Variants in TBC1D14 observed in about 807,000 individuals in gnomAD.
TBC1D14 encodes the protein TBC1 domain family member 14.
In TBC1D14, 26 loss-of-function variants were observed where a neutral mutation model predicts 79.0. The observed-to-expected ratio is 0.33, with a 90% CI of 0.24 to 0.46. TBC1D14 has a LOEUF of 0.46. Ranked by LOEUF, TBC1D14 falls within the 20% of genes least tolerant of loss-of-function variation. The pLI is 1.00. For missense variants in TBC1D14, 769 were observed against 887.6 expected, an observed-to-expected ratio of 0.87 and a Z score of 1.70; for synonymous variants, 394 against 349.9, an observed-to-expected ratio of 1.13 and a Z score of -1.40.
chr4:7,017,318 A>T (rs1183222899), intron 12 of TBC1D14, among the ~76,000 whole-genome samples: 2 of 152,070 alleles, frequency 1.3e-5, no homozygotes, highest in Non-Finnish European at 2.9e-5. Flanking sequence ...ACAAACAAAA[A>T]ATAAAACTGA....
chr4:6,987,923 C>G (rs899726652), intron 3 of TBC1D14, among the ~76,000 whole-genome samples: 1 of 152,162 alleles, frequency 6.6e-6, no homozygotes, highest in African/African-American at 2.4e-5. Flanking sequence ...AGAGTGCTTC[C>G]CAGAATGCCA....
At chr4:6,995,379 T>C (rs923176768) in intron 4 of TBC1D14, 9 of 152,232 alleles carry the variant, frequency 5.9e-5, no homozygotes, top group East Asian at 5.8e-4. Context: ...TTGACAGTTA[T>C]TAGTGTATTG....
rs755229362 is a variant in TBC1D14, at chr4:6,994,218, C to A, written c.878C>A (p.Pro293Gln). 2.3e-5 allele frequency: 37 copies of A among 1,614,068 alleles called. No homozygotes were observed. Among genetic ancestry groups the A allele is most frequent in the African/African-American group, 6.7e-5 (5 of 74,920 alleles). Residue 293 changes from proline (P) to glutamine (Q), a missense_variant, in exon 4 of 14, where the codon CCA becomes CAA. Pro to Gln is a moderately conservative substitution (Grantham distance 76). Around this residue, in one of 2 missense-constraint regions of TBC1D14, gnomAD observed 402 missense variants for 393.2 expected, o/e 1.02. Transcript: ENST00000409757. The part of the protein sequence containing the change: ...YEDKAGRPSK[P>Q]PSPKQNVRKN... ...GACAAGGCTGGAAGACCTAGCAAGCCACCCTCTCCAAAGCAGAATGTGAGG... is the reference window on the plus strand; with the variant it reads ...GACAAGGCTGGAAGACCTAGCAAGCAACCCTCTCCAAAGCAGAATGTGAGG...
At position 7,019,871 on chromosome 4, in the gene TBC1D14, C is replaced by T. The variant is rs113515534; in HGVS notation, c.1758-5133C>T. Among the ~76,000 whole-genome samples the T allele has an allele frequency of 1.2e-3, 22 of 17,726 alleles. 1 individual carries two copies. Among genetic ancestry groups the T allele is most frequent in the Admixed American group, 1.8e-3 (3 of 1,684 alleles). 11.6% of individuals were successfully genotyped at this position (17,726 alleles called of 152,430 possible). On this transcript the variant is annotated intron_variant, in intron 12 of 13. Coordinates refer to ENST00000409757, the MANE Select transcript of TBC1D14 (RefSeq NM_020773.3). ...TATGTGAACCCCGCTGGGCTCAGGTCAGGGAGGACTCTGGGACACAGAGGT... is the reference window on the plus strand; with the variant it reads ...TATGTGAACCCCGCTGGGCTCAGGTTAGGGAGGACTCTGGGACACAGAGGT...
At chr4:6,966,633 G>A (rs1041765224) in intron 2 of TBC1D14, among the ~76,000 whole-genome samples, 8 of 152,214 alleles carry the variant, frequency 5.3e-5, no homozygotes, top group African/African-American at 1.9e-4. Flanking sequence ...GTAGGAAACT[G>A]AGGCTCAGAG....
At chr4:6,976,178 T>G (rs1013265832) in intron 3 of TBC1D14, among the ~76,000 whole-genome samples, 1 of 152,108 alleles carries the variant, frequency 6.6e-6, no homozygotes, top group African/African-American at 2.4e-5. Flanking sequence ...TAGGAACATG[T>G]GGGGCAGTAC....
intron 12 of TBC1D14, among the ~76,000 whole-genome samples, chr4:7,024,762 G>T (rs189276623): frequency 1.3e-5 from 2 of 152,358 alleles, no homozygotes; most frequent in African/African-American, 4.8e-5. Flanking sequence ...TTGCAGGCAG[G>T]AGTCGTTGCT....
At chr4:6,998,140 G>A (rs950947250) in intron 5 of TBC1D14, among the ~76,000 whole-genome samples, 6 of 152,084 alleles carry the variant, frequency 3.9e-5, no homozygotes, top group African/African-American at 1.4e-4. Context: ...AGAAGCCAAG[G>A]CGGGTGGTCA....
chr4:6,935,064 C>T (rs1712175951), intron 2 of TBC1D14, among the ~76,000 whole-genome samples: 1 of 152,140 alleles, frequency 6.6e-6, no homozygotes, highest in Admixed American at 6.5e-5. Context: ...TGCACTGGTC[C>T]ACTGCAGTGA....
At position 7,001,250 on chromosome 4, in the gene TBC1D14, C is replaced by T. The variant is rs376048439; in HGVS notation, c.1269C>T (p.His423=). 67 of 1,612,832 alleles carry T rather than the reference C, an allele frequency of 4.2e-5. No homozygotes were observed. Among genetic ancestry groups the T allele is most frequent in the African/African-American group, 1.2e-4 (9 of 74,924 alleles). ...TTGGCAACGAGTTAAATATCACCCA[C>T]GGTGAGTGGCCTGCATGATCCTGGG... ...LAIGNELNIT[H]ELFDICLARA... Residue 423 remains histidine (H), a splice_region_variant and synonymous_variant, in exon 7 of 14, where the codon CAC becomes CAT. Transcript: ENST00000409757.
At chr4:6,956,800 GGAGCACTGGGTCT>G (rs1714683844) in intron 2 of TBC1D14, among the ~76,000 whole-genome samples, 2 of 152,238 alleles carry the variant, frequency 1.3e-5, no homozygotes, top group Admixed American at 1.3e-4. Context: ...GTGCGGGGAA[GGAGCACTGGGTCT>G]GTGGCCGGGC....
intron 1 of TBC1D14, among the ~76,000 whole-genome samples, chr4:6,917,672 C>T (rs566641037): frequency 2.0e-5 from 3 of 152,044 alleles, no homozygotes; most frequent in Admixed American, 6.6e-5. Flanking sequence ...CCCTGTGTGT[C>T]GGCTTGGGGA....
chr4:6,956,278 C>T (rs375636691), intron 2 of TBC1D14, among the ~76,000 whole-genome samples: 1 of 152,162 alleles, frequency 6.6e-6, no homozygotes, highest in Admixed American at 6.5e-5. Flanking sequence ...TGGAGTGTGG[C>T]GGAGTGGAGG....
chr4:6,961,935 C>G (rs1454305610), intron 2 of TBC1D14, among the ~76,000 whole-genome samples: 1 of 152,204 alleles, frequency 6.6e-6, no homozygotes, highest in Non-Finnish European at 1.5e-5. Context: ...TTCTGTTGTT[C>G]AGTGTCTGAA....
chr4:7,020,763 C>T (rs1421340219), intron 12 of TBC1D14, among the ~76,000 whole-genome samples: 3 of 152,102 alleles, frequency 2.0e-5, no homozygotes, highest in African/African-American at 7.2e-5. Flanking sequence ...TGCAGTGGTG[C>T]GATCTTGGCT....
intron 2 of TBC1D14, 71 bp downstream of exon 2, chr4:6,924,182 A>G (rs569751598): frequency 9.0e-5 from 136 of 1,511,290 alleles, no homozygotes; most frequent in Non-Finnish European, 9.8e-5. Flanking sequence ...TCCTGTCTCA[A>G]ATGTGTTGTG....
intron 3 of TBC1D14, among the ~76,000 whole-genome samples, chr4:6,979,623 A>T (rs966764729): frequency 6.6e-6 from 1 of 152,194 alleles, no homozygotes; most frequent in Non-Finnish European, 1.5e-5. Context: ...TATCTCAAAA[A>T]AAACACAAAA....
chr4:6,944,106 A>C (rs1044683674), intron 2 of TBC1D14, among the ~76,000 whole-genome samples: 1 of 152,126 alleles, frequency 6.6e-6, no homozygotes, highest in Non-Finnish European at 1.5e-5. Context: ...TTTGTTTAAA[A>C]ATGCGCAGGA....
At chr4:6,951,408 G>T (rs1162337432) in intron 2 of TBC1D14, among the ~76,000 whole-genome samples, 2 of 152,200 alleles carry the variant, frequency 1.3e-5, no homozygotes, top group East Asian at 3.8e-4. Flanking sequence ...GTGGTAGCCT[G>T]CAATCCCACC....
Sources: gnomAD v4.1 joint callset for allele counts (sites outside exome capture counted in the v4.1 genomes callset) on GRCh38, gnomAD v4.1.1 for gene constraint, gnomAD v4.1.1 regional missense constraint, MANE v1.5 for transcripts, NCBI Gene and HGNC (gene_info 2026-07-23, HGNC 2026-07-21) for gene names.